MMS22L: variants seen among roughly 807,000 people sequenced by gnomAD.
MMS22L encodes MMS22 like, DNA repair protein.
Under a neutral mutation model 159.1 loss-of-function variants are expected in MMS22L, and 74 were observed. That is an observed-to-expected ratio of 0.47 (90% CI 0.39 to 0.56). The LOEUF (loss-of-function observed/expected upper bound fraction) is 0.56, where lower values mean the gene tolerates loss of function less well. Ranked by LOEUF, MMS22L falls within the 20% of genes least tolerant of loss-of-function variation. MMS22L has a pLI of 0.00. For synonymous variants in MMS22L, 517 were observed against 506.9 expected (o/e 1.02, Z -0.27); for missense variants, 1,351 against 1,422.1 (o/e 0.95, Z 0.80).
intron 18 of MMS22L, among the ~76,000 whole-genome samples, chr6:97,177,434 C>T (rs535584601): frequency 5.3e-5 from 8 of 152,122 alleles, no homozygotes; most frequent in East Asian, 3.9e-4. Flanking sequence ...CAAATCCCTA[C>T]GAAGTTCTAG....
At chr6:97,211,997 A>G (rs1290133397) in intron 14 of MMS22L, among the ~76,000 whole-genome samples, 1 of 152,180 alleles carries the variant, frequency 6.6e-6, no homozygotes, top group Non-Finnish European at 1.5e-5. Flanking sequence ...ATCTAATCAC[A>G]TGCTTTATTT....
chr6:97,210,893 G>T (rs1808304592), intron 14 of MMS22L, among the ~76,000 whole-genome samples: 3 of 151,880 alleles, frequency 2.0e-5, no homozygotes, highest in South Asian at 2.1e-4. Context: ...TGAGTAGTCT[G>T]CAGAATGTAA....
At chr6:97,251,910 C>T (rs994847203) in intron 10 of MMS22L, among the ~76,000 whole-genome samples, 2 of 151,988 alleles carry the variant, frequency 1.3e-5, no homozygotes, top group Non-Finnish European at 2.9e-5. Flanking sequence ...AGTGAAACCC[C>T]GTTTCTACGA....
In MMS22L at chr6:97,192,041, T is replaced by C. The variant is rs1382183833; in HGVS notation, c.2040-5351A>G. 2.6e-5 allele frequency among the ~76,000 whole-genome samples: 4 copies of C among 152,072 alleles called. No homozygotes were observed. The South Asian group carries it at 6.2e-4, about 24-fold the overall frequency. ...AGTCCCAATCCTGTGCATGCCCAAA[T>C]TGTCAGGGAGAAACCAGGCTGGCAA... On this transcript the variant is annotated intron_variant, in intron 14 of 24. Coordinates refer to ENST00000683635, the MANE Select transcript of MMS22L (RefSeq NM_001350599.2).
intron 20 of MMS22L, among the ~76,000 whole-genome samples, chr6:97,167,286 G>A (rs1447312892): frequency 6.6e-6 from 1 of 152,094 alleles, no homozygotes; most frequent in Non-Finnish European, 1.5e-5. Flanking sequence ...AATCTAGGAA[G>A]CATTTCACTT....
At chr6:97,182,370 C>A (rs770959444) in intron 15 of MMS22L, among the ~76,000 whole-genome samples, 2 of 152,204 alleles carry the variant, frequency 1.3e-5, no homozygotes, top group Non-Finnish European at 1.5e-5. Flanking sequence ...CTCCACCATT[C>A]AAAAGACCTA....
intron 10 of MMS22L, among the ~76,000 whole-genome samples, chr6:97,251,273 T>TA (rs1422890251): frequency 1.3e-5 from 2 of 152,170 alleles, no homozygotes; most frequent in Non-Finnish European, 2.9e-5. Flanking sequence ...ATCTAAGAGA[T>TA]AAAATAGGGT....
chr6:97,145,055 C>A lies in MMS22L; in HGVS notation c.*1751G>T, dbSNP rs1301668618. 73 of 146,588 alleles carry A rather than the reference C, an allele frequency of 5.0e-4. 6 individuals are homozygous for A. The highest frequency in any genetic ancestry group is 1.9e-3 in the African/African-American group (72 of 38,238). 9.1% of individuals were successfully genotyped at this position (146,588 alleles called of 1,614,324 possible). Reference sequence around the variant, plus strand: ...ACACACACACACACACACACACACACACACACACACAAAAACACATATACA... The same window carrying A: ...ACACACACACACACACACACACACAAACACACACACAAAAACACATATACA... On this transcript the variant is annotated 3_prime_UTR_variant, in exon 25 of 25. Coordinates refer to ENST00000683635, the MANE Select transcript of MMS22L (RefSeq NM_001350599.2).
At chr6:97,232,042 T>C (rs550642665) in intron 12 of MMS22L, among the ~76,000 whole-genome samples, 1 of 152,292 alleles carries the variant, frequency 6.6e-6, no homozygotes, top group South Asian at 2.1e-4. Flanking sequence ...ATTTAGCTGC[T>C]TGTATGGCTC....
At chr6:97,239,515 G>A (rs1007614787) in intron 11 of MMS22L, among the ~76,000 whole-genome samples, 9 of 152,140 alleles carry the variant, frequency 5.9e-5, no homozygotes, top group African/African-American at 1.7e-4. Flanking sequence ...AAGTAAAATT[G>A]AGCAATATAC....
intron 10 of MMS22L, among the ~76,000 whole-genome samples, chr6:97,252,096 A>C (rs1338442503): frequency 2.0e-5 from 3 of 151,856 alleles, no homozygotes; most frequent in Non-Finnish European, 2.9e-5. Context: ...AAAAAAAAAA[A>C]AGAAATAGAA....
chr6:97,192,786 T>C (rs1283658969), intron 14 of MMS22L, among the ~76,000 whole-genome samples: 2 of 152,222 alleles, frequency 1.3e-5, no homozygotes, highest in Non-Finnish European at 2.9e-5. Flanking sequence ...AATGATAATA[T>C]ATGTACTAGC....
rs1816737112 is a variant in MMS22L at position 97,281,322 on chromosome 6, C to A, written c.205G>T (p.Glu69Ter). ...ATGCCAAATATTTCCAAGGTATCTT[C>A]TTCAAAATTAGTTGGTAAAGGGTCA... ...NLDPLPTNFEEDTLEIFGIQW... is the reference protein window; with the variant it reads ...NLDPLPTNFE The change falls in exon 3 of 25, where the codon GAA becomes TAA. Residue 69 changes from glutamate to a stop codon, truncating the protein, a stop_gained. Transcript: ENST00000683635. LOFTEE classifies it high-confidence loss of function. The A allele has an allele frequency of 6.8e-6, 11 of 1,608,808 alleles. No individual in the cohort carries two copies. Among genetic ancestry groups the A allele is most frequent in the Non-Finnish European group, 9.3e-6 (11 of 1,177,954 alleles).
chr6:97,256,912 A>T (rs1031844869), intron 9 of MMS22L, among the ~76,000 whole-genome samples: 2 of 152,222 alleles, frequency 1.3e-5, no homozygotes, highest in African/African-American at 4.8e-5. Flanking sequence ...ACACTACTGC[A>T]CTCCAGACTG....
At chr6:97,282,133 T>C (rs1009781713) in intron 2 of MMS22L, among the ~76,000 whole-genome samples, 181 bp downstream of exon 2, 2 of 152,216 alleles carry the variant, frequency 1.3e-5, no homozygotes, top group Non-Finnish European at 2.9e-5. Context: ...CCAAATACTT[T>C]AGATATGCCC....
intron 6 of MMS22L, chr6:97,272,144 G>C (rs1019611977): frequency 2.6e-5 from 4 of 152,060 alleles, no homozygotes; most frequent in Non-Finnish European, 4.4e-5. Flanking sequence ...TTATCTATAA[G>C]CTAGGCACGG....
Position 97,145,083 on chromosome 6 carries a change from TA to T in MMS22L, c.*1722del, listed in dbSNP as rs1307086650. 3 of 133,326 alleles carry T rather than the reference TA, an allele frequency of 2.3e-5. No individual in the cohort carries two copies. Among genetic ancestry groups the T allele is most frequent in the African/African-American group, 8.6e-5 (3 of 34,882 alleles). 8.3% of individuals were successfully genotyped at this position (133,326 alleles called of 1,614,324 possible). ...ACACACACAAAAACACATATACACA[TA>T]AATAACCTCTTTAAAGGCATCACCT... is the stretch of plus-strand genomic sequence containing the variant. On this transcript the variant is annotated 3_prime_UTR_variant, in exon 25 of 25. Coordinates refer to ENST00000683635, the MANE Select transcript of MMS22L (RefSeq NM_001350599.2).
intron 4 of MMS22L, among the ~76,000 whole-genome samples, chr6:97,277,174 G>C: frequency 6.6e-6 from 1 of 152,080 alleles, no homozygotes; most frequent in East Asian, 1.9e-4. Context: ...CAGCGCTTTG[G>C]GAGGCCGAGG....
intron 2 of MMS22L, among the ~76,000 whole-genome samples, 188 bp downstream of exon 2, chr6:97,282,126 A>C (rs1816805793): frequency 6.6e-6 from 1 of 152,332 alleles, no homozygotes; most frequent in Non-Finnish European, 1.5e-5. Context: ...TAATACCCCA[A>C]ATACTTTAGA....
Sources: allele counts gnomAD v4.1 joint callset (sites outside exome capture counted in the v4.1 genomes callset), GRCh38; gene constraint gnomAD v4.1.1; transcripts MANE v1.5; gene names NCBI Gene and HGNC (gene_info 2026-07-23, HGNC 2026-07-21).